The following PRR5 variants were observed in gnomAD, a reference collection of about 807,000 sequenced individuals.
The protein encoded by PRR5 is proline rich 5.
In PRR5, 25 loss-of-function variants were observed where a neutral mutation model predicts 30.6. The ratio of observed to expected loss-of-function variants is 0.82; its 90% CI spans 0.60 to 1.14. The LOEUF (loss-of-function observed/expected upper bound fraction) is 1.14. Ranked by LOEUF, PRR5 falls within the 50% of genes most tolerant of loss-of-function variation. The pLI is 0.00. For synonymous variants in PRR5, 286 were observed against 247.1 expected (o/e 1.16, Z -1.48); for missense variants, 600 against 547.1 (o/e 1.10, Z -0.96).
chr22:44,693,877 C>T (rs949860823), intron 1 of PRR5, among the ~76,000 whole-genome samples: 2 of 148,696 alleles, frequency 1.3e-5, no homozygotes, highest in Non-Finnish European at 3.0e-5. Flanking sequence ...GATACGCCCA[C>T]CTCAGCCTCC....
chr22:44,676,627 A>G (rs1410203999), upstream of PRR5, among the ~76,000 whole-genome samples: 1 of 148,576 alleles, frequency 6.7e-6, no homozygotes, highest in East Asian at 2.1e-4. Flanking sequence ...GAAGAGGAGG[A>G]GGGGGGCTGT....
chr22:44,674,947 A>G (rs1255367916), upstream of PRR5, among the ~76,000 whole-genome samples: 3 of 27,978 alleles, frequency 1.1e-4, no homozygotes, highest in Non-Finnish European at 1.8e-4. Context: ...CGCTGTCTCA[A>G]AAAAAAAAAG....
chr22:44,732,112 G>A (rs370997483), intron 5 of PRR5, 139 bp from the exon 6 acceptor site: 22 of 1,361,258 alleles, frequency 1.6e-5, no homozygotes, highest in South Asian at 4.0e-5. Context: ...TCCTTGGGAC[G>A]GGGTCATCTG....
chr22:44,722,707 C>T (rs1283463116), intron 2 of PRR5, among the ~76,000 whole-genome samples: 1 of 152,194 alleles, frequency 6.6e-6, no homozygotes, highest in African/African-American at 2.4e-5. Context: ...TCCACCAGCA[C>T]CCCCAGATCC....
intron 1 of PRR5, among the ~76,000 whole-genome samples, chr22:44,714,102 A>G (rs1928686292): frequency 1.4e-5 from 2 of 141,896 alleles, no homozygotes; most frequent in South Asian, 4.9e-4. Flanking sequence ...CGCGCCCGGC[A>G]GCCTTAGAGA....
chr22:44,735,536 C>T (rs757964109), intron 7 of PRR5, among the ~76,000 whole-genome samples: 31 of 152,314 alleles, frequency 2.0e-4, no homozygotes, highest in Middle Eastern at 3.4e-3. Flanking sequence ...GGGACTCGGC[C>T]TGGGGGTGGG....
upstream of PRR5, among the ~76,000 whole-genome samples, chr22:44,698,195 A>G (rs1033279413): frequency 2.6e-5 from 4 of 152,122 alleles, no homozygotes; most frequent in South Asian, 2.1e-4. Context: ...CCCACTGGCC[A>G]GGGGGAGTTT....
Position 44,727,119 on chromosome 22 carries a change from G to A in PRR5, c.322+485G>A, listed in dbSNP as rs148900592. On this transcript the variant is annotated intron_variant, in intron 4 of 7. Transcript: ENST00000336985. ...TTGTTCCTGAGTGGGAGAGTACAGT[G>A]ATGATAAGTGATTTGCCCAAGGCTA... is the stretch of plus-strand genomic sequence containing the variant. Among the ~76,000 whole-genome samples, 141 of 150,142 alleles carry A rather than the reference G, an allele frequency of 9.4e-4. 1 individual carries two copies. Among genetic ancestry groups the A allele is most frequent in the African/African-American group, 3.2e-3 (133 of 40,982 alleles).
At chr22:44,677,656 G>A (rs4470428) in intron 1 of PRR5, among the ~76,000 whole-genome samples, 5 of 152,194 alleles carry the variant, frequency 3.3e-5, no homozygotes, top group East Asian at 1.9e-4. Flanking sequence ...ACCAGCGGGG[G>A]ACATGTCAGA....
intron 6 of PRR5, chr22:44,734,793 A>G: frequency 1.7e-6 from 1 of 604,190 alleles, no homozygotes; most frequent in East Asian, 2.8e-5. Context: ...TCCAGGGCAC[A>G]CCATGGTCTC....
At chr22:44,703,285 A>G (rs1057130205) in intron 1 of PRR5, among the ~76,000 whole-genome samples, 14 of 150,852 alleles carry the variant, frequency 9.3e-5, no homozygotes, top group Admixed American at 7.9e-4. Flanking sequence ...AATGAGAGGC[A>G]GGAGAAAGTG....
In PRR5 at chr22:44,719,359, C is replaced by T. The variant is rs138999769; in HGVS notation, c.215+4688C>T. The stretch of plus-strand genomic sequence containing the variant: ...CAGTGTTGGGATTATAGGCGTGAGC[C>T]GCTGCACCTGGCTGAGAAAACAAGA... On this transcript the variant is annotated intron_variant, in intron 2 of 7. Coordinates refer to ENST00000336985, the MANE Select transcript of PRR5 (RefSeq NM_181333.4). Among the ~76,000 whole-genome samples the T allele has an allele frequency of 1.6e-4, 24 of 152,252 alleles. 1 individual carries two copies. The highest frequency in any genetic ancestry group is 5.5e-4 in the African/African-American group (23 of 41,526).
chr22:44,713,153 G>A (rs1243446997), intron 1 of PRR5, among the ~76,000 whole-genome samples: 1 of 152,200 alleles, frequency 6.6e-6, no homozygotes, highest in Non-Finnish European at 1.5e-5. Context: ...CTGCCTGCAG[G>A]ACCTCAGGCT....
Position 44,736,779 on chromosome 22 carries a change from C to T in PRR5, c.699C>T (p.Arg233=). The stretch of plus-strand genomic sequence containing the variant: ...GCCCGTGTCTCTCCCCAGAAAAGCG[C>T]CTCCTCCGCCGCTCCCGCTCGGGGG... The part of the protein sequence containing the change: ...PFTHSCILEK[R]LLRRSRSGDV... The change falls in exon 8 of 8, where the codon CGC becomes CGT. Residue 233 remains arginine, a synonymous_variant. Transcript: ENST00000336985. The T allele has an allele frequency of 6.5e-7, 1 of 1,540,758 alleles. No individual in the cohort carries two copies. The highest frequency in any genetic ancestry group is 8.8e-7 in the Non-Finnish European group (1 of 1,140,216).
chr22:44,685,218 A>G (rs966953290), intron 1 of PRR5, among the ~76,000 whole-genome samples: 6 of 152,150 alleles, frequency 3.9e-5, no homozygotes, highest in Non-Finnish European at 2.9e-5. Flanking sequence ...TCCGTGAGTG[A>G]GCATGTGTCC....
At chr22:44,669,456 G>T (rs1402586102) in intron 1 of PRR5, among the ~76,000 whole-genome samples, 1 of 152,212 alleles carries the variant, frequency 6.6e-6, no homozygotes, top group African/African-American at 2.4e-5. Flanking sequence ...CAGGGCTGGA[G>T]CGCTTAGTGG....
intron 1 of PRR5, among the ~76,000 whole-genome samples, chr22:44,687,244 G>C (rs1276072183): frequency 6.6e-6 from 1 of 152,174 alleles, no homozygotes; most frequent in Admixed American, 6.5e-5. Flanking sequence ...CGGGTAATCG[G>C]GAAACCCATC....
intron 1 of PRR5, among the ~76,000 whole-genome samples, chr22:44,693,408 A>G (rs1308628355): frequency 6.6e-6 from 1 of 151,672 alleles, no homozygotes; most frequent in Non-Finnish European, 1.5e-5. Context: ...GCAGTGAGTC[A>G]TGATCACACC....
rs768232861 is a variant in PRR5 at position 44,735,004 on chromosome 22, C to T, written c.556-23C>T. On this transcript the variant is annotated intron_variant, in intron 6 of 7. Coordinates refer to ENST00000336985, the MANE Select transcript of PRR5 (RefSeq NM_181333.4). ...CCAAGCTCGGGTGCATGACCCCCTA[C>T]CCCCTGCCCCACTCTCCTGCAGGGG... 8 of 1,606,830 alleles carry T rather than the reference C, an allele frequency of 5.0e-6. 1 individual carries two copies. The highest frequency in any genetic ancestry group is 2.2e-5 in the South Asian group (2 of 90,810).
Sources: allele counts gnomAD v4.1 joint callset (sites outside exome capture counted in the v4.1 genomes callset), GRCh38; gene constraint gnomAD v4.1.1; transcripts MANE v1.5; gene names NCBI Gene and HGNC (gene_info 2026-07-23, HGNC 2026-07-21).